The following NFIB variants were observed in gnomAD, a reference collection of about 807,000 sequenced individuals.
NFIB encodes the protein nuclear factor I B.
NFIB carries 11 observed loss-of-function variants against 61.5 expected under a neutral mutation model. The observed-to-expected ratio is 0.18, with a 90% CI of 0.11 to 0.30. NFIB has a LOEUF of 0.30. Ranked by LOEUF, NFIB falls within the 10% of genes least tolerant of loss-of-function variation. The pLI is 1.00. For missense variants in NFIB, 471 were observed against 608.9 expected (o/e 0.77, Z 2.38); for synonymous variants, 260 against 216.5 (o/e 1.20, Z -1.76).
chr9:14,229,614 A>G (rs2052870937), intron 2 of NFIB, among the ~76,000 whole-genome samples: 1 of 152,128 alleles, frequency 6.6e-6, no homozygotes, highest in Admixed American at 6.5e-5. Flanking sequence ...AGGAAGAAGA[A>G]GAAAGAAACA....
chr9:14,398,886 G>C (rs990417190), exon 1 of NFIB: 1 of 373,788 alleles, frequency 2.7e-6, no homozygotes, highest in Non-Finnish European at 4.8e-6. Flanking sequence ...GTCTTGCTCC[G>C]ACATGTGAAT....
the NFIB span, among the ~76,000 whole-genome samples, chr9:14,408,630 T>G: frequency 6.6e-6 from 1 of 152,240 alleles, no homozygotes; most frequent in African/African-American, 2.4e-5. Context: ...AGAAATCTTA[T>G]CTTTATTTTG....
the NFIB span, among the ~76,000 whole-genome samples, chr9:14,432,048 T>C: frequency 1.3e-5 from 2 of 152,202 alleles, no homozygotes; most frequent in African/African-American, 2.4e-5. Flanking sequence ...ATGCTCTTAC[T>C]GTGAGACTGG....
intron 1 of NFIB, among the ~76,000 whole-genome samples, chr9:14,331,267 T>C (rs1172679588): frequency 6.6e-6 from 1 of 152,206 alleles, no homozygotes; most frequent in Non-Finnish European, 1.5e-5. Context: ...AGAGCATTCA[T>C]GATCCAGGTC....
At chr9:14,390,883 G>A (rs928872695) in intron 1 of NFIB, among the ~76,000 whole-genome samples, 2 of 152,206 alleles carry the variant, frequency 1.3e-5, no homozygotes, top group African/African-American at 4.8e-5. Context: ...CTAGTCTATG[G>A]TATTCTATTA....
chr9:14,190,853 G>A (rs933133896), intron 2 of NFIB, among the ~76,000 whole-genome samples: 5 of 152,104 alleles, frequency 3.3e-5, no homozygotes, highest in African/African-American at 4.8e-5. Context: ...GCATTTTATG[G>A]GGCAATATTC....
chr9:14,118,262 C>T (rs768116501), intron 8 of NFIB, among the ~76,000 whole-genome samples: 2 of 152,024 alleles, frequency 1.3e-5, no homozygotes, highest in Non-Finnish European at 2.9e-5. Context: ...ATTGGTGGTA[C>T]ATTCAATGGT....
intron 1 of NFIB, among the ~76,000 whole-genome samples, chr9:14,341,308 G>A (rs1165981486): frequency 2.6e-5 from 4 of 152,166 alleles, no homozygotes; most frequent in Admixed American, 2.6e-4. Context: ...CTGGTGCGTG[G>A]GAGTTGAAAT....
chr9:14,357,466 C>G (rs1431783704), intron 1 of NFIB: 1 of 152,150 alleles, frequency 6.6e-6, no homozygotes, highest in Non-Finnish European at 1.5e-5. Flanking sequence ...CAAGTCAGAT[C>G]CAACTTTTTC....
chr9:14,321,810 A>AT (rs1423994376), intron 1 of NFIB: 1 of 1,090,714 alleles, frequency 9.2e-7, no homozygotes, highest in East Asian at 3.2e-5. Context: ...CAAAAATGAC[A>AT]TTTAGGAAAG....
the NFIB span, among the ~76,000 whole-genome samples, chr9:14,434,795 G>GA: frequency 6.6e-6 from 1 of 152,348 alleles, no homozygotes; most frequent in East Asian, 1.9e-4. Flanking sequence ...TCCAAGGGCT[G>GA]AAAATCTTAA....
intron 3 of NFIB, among the ~76,000 whole-genome samples, chr9:14,177,029 A>G (rs2046266224): frequency 6.6e-6 from 1 of 152,216 alleles, no homozygotes; most frequent in South Asian, 2.1e-4. Context: ...TACCAGTGAT[A>G]AGAAAGTGTT....
chr9:14,125,818 G>C lies in NFIB; in HGVS notation c.926-52C>G, dbSNP rs961839403. On this transcript the variant is annotated intron_variant, in intron 6 of 10. Coordinates refer to ENST00000380953, the MANE Select transcript of NFIB (RefSeq NM_001190737.2). ...GCTCCATGACTTTCTTAAGCTCTAA[G>C]GTTCATGTCAACAAATGACAGATCT... is the stretch of plus-strand genomic sequence containing the variant. The C allele has an allele frequency of 3.2e-6, 5 of 1,586,902 alleles. No individual in the cohort carries two copies. The African/African-American group carries it at 6.8e-5, about 22-fold the overall frequency.
chr9:14,335,236 C>A (rs2060872192), intron 1 of NFIB, among the ~76,000 whole-genome samples: 1 of 152,120 alleles, frequency 6.6e-6, no homozygotes, highest in Admixed American at 6.5e-5. Flanking sequence ...TGGCAGGTGT[C>A]TGTTTAACTT....
the NFIB span, among the ~76,000 whole-genome samples, chr9:14,478,136 C>A: frequency 6.6e-6 from 1 of 152,108 alleles, no homozygotes; most frequent in African/African-American, 2.4e-5. Flanking sequence ...TTTAGGCATG[C>A]ACACACACCT....
At chr9:14,234,268 T>C (rs1490843756) in intron 2 of NFIB, among the ~76,000 whole-genome samples, 1 of 152,084 alleles carries the variant, frequency 6.6e-6, no homozygotes, top group Non-Finnish European at 1.5e-5. Flanking sequence ...ATAAAAGTAC[T>C]AGAACAAAAA....
chr9:14,498,922 G>A, the NFIB span, among the ~76,000 whole-genome samples: 1 of 151,970 alleles, frequency 6.6e-6, no homozygotes. Context: ...GAGATTAAGT[G>A]ATCAAGATGG....
chr9:14,408,505 G>GA, the NFIB span, among the ~76,000 whole-genome samples: 2 of 151,892 alleles, frequency 1.3e-5, no homozygotes, highest in Non-Finnish European at 2.9e-5. Flanking sequence ...CGGGAATACA[G>GA]AAAAAAAGGG....
chr9:14,089,106 C>T (rs1266699992), intron 10 of NFIB, among the ~76,000 whole-genome samples: 2 of 151,996 alleles, frequency 1.3e-5, no homozygotes, highest in African/African-American at 4.8e-5. Context: ...TTATTCTAAC[C>T]CTCTTTAACT....
Sources: gnomAD v4.1 joint callset for allele counts (sites outside exome capture counted in the v4.1 genomes callset) on GRCh38, gnomAD v4.1.1 for gene constraint, MANE v1.5 for transcripts, NCBI Gene and HGNC (gene_info 2026-07-23, HGNC 2026-07-21) for gene names.